The following STK33 variants were observed in gnomAD, a reference collection of about 807,000 sequenced individuals.
STK33 encodes serine/threonine kinase 33.
A neutral mutation model predicts 58.0 loss-of-function variants in STK33; 52 were observed. That is an observed-to-expected ratio of 0.90 (90% CI 0.72 to 1.13). The LOEUF (loss-of-function observed/expected upper bound fraction) is 1.13, where lower values mean the gene tolerates loss of function less well. Among genes scored for constraint, STK33 ranks in the 50% most tolerant of loss-of-function variants. The probability of loss-of-function intolerance (pLI) is 0.00; values close to 1 mark genes in which losing one functional copy is unlikely to be tolerated. For synonymous variants in STK33, 215 were observed against 200.1 expected, an observed-to-expected ratio of 1.07 and a Z score of -0.63; for missense variants, 630 against 604.2, an observed-to-expected ratio of 1.04 and a Z score of -0.45.
At chr11:8,461,164 A>C (rs1285353861) in intron 8 of STK33, among the ~76,000 whole-genome samples, 3 of 152,214 alleles carry the variant, frequency 2.0e-5, no homozygotes, top group Non-Finnish European at 4.4e-5. Flanking sequence ...TCAAATGCAC[A>C]GGCAATATGA....
chr11:8,425,972 G>C (rs1316541743), intron 14 of STK33, among the ~76,000 whole-genome samples: 1 of 152,114 alleles, frequency 6.6e-6, no homozygotes, highest in East Asian at 1.9e-4. Flanking sequence ...GCCCCAGTGG[G>C]TGTGTGTTAC....
intron 11 of STK33, among the ~76,000 whole-genome samples, chr11:8,442,866 A>G (rs1944943873): frequency 6.6e-6 from 1 of 152,206 alleles, no homozygotes. Context: ...CAGACACAGA[A>G]GAGTATGTAC....
At chr11:8,352,553 A>G in the STK33 span, among the ~76,000 whole-genome samples, 1 of 152,152 alleles carries the variant, frequency 6.6e-6, no homozygotes. Flanking sequence ...TTAGTCCAAT[A>G]TAAGAAAAAA....
At chr11:8,409,023 T>C (rs1195481800) in intron 15 of STK33, among the ~76,000 whole-genome samples, 2 of 152,190 alleles carry the variant, frequency 1.3e-5, no homozygotes, top group African/African-American at 2.4e-5. Context: ...GCATAAACCA[T>C]ATTGTTTGCA....
rs768157865 is a variant in STK33 at position 8,446,361 on chromosome 11, C to T, written c.872-5608G>A. Reference sequence around the variant, plus strand: ...TTCATTGATTGTTTGAAGGGTTTTTCGTGTCCCTATCTCCTTGGGTTCTGC... The same window carrying T: ...TTCATTGATTGTTTGAAGGGTTTTTTGTGTCCCTATCTCCTTGGGTTCTGC... On this transcript the variant is annotated intron_variant, in intron 11 of 15. Transcript: ENST00000687296. Among the ~76,000 whole-genome samples, 14 of 151,930 alleles carry T rather than the reference C, an allele frequency of 9.2e-5. No individual in the cohort carries two copies. In the South Asian group the frequency reaches 1.5e-3, roughly 16 times the overall value.
intron 1 of STK33, among the ~76,000 whole-genome samples, chr11:8,577,329 G>GA (rs1340455202): frequency 6.6e-6 from 1 of 151,964 alleles, no homozygotes; most frequent in Non-Finnish European, 1.5e-5. Flanking sequence ...ATAGCAGAAG[G>GA]AAAAATCAAA....
intron 15 of STK33, among the ~76,000 whole-genome samples, chr11:8,405,631 T>C (rs1461126461): frequency 6.6e-6 from 1 of 152,228 alleles, no homozygotes; most frequent in African/African-American, 2.4e-5. Context: ...TCTTTGACTA[T>C]CTGCTGGATG....
At position 8,454,968 on chromosome 11, in the gene STK33, C is replaced by G. The variant is rs1012111798; in HGVS notation, c.698-136G>C. ...AGGGCCAAGCATAGTCTGTCCTGTT[C>G]TATTCTCTCATTTATAAATGCTTCC... is the stretch of plus-strand genomic sequence containing the variant. On this transcript the variant is annotated intron_variant, in intron 9 of 15. Coordinates refer to ENST00000687296, the MANE Select transcript of STK33 (RefSeq NM_001352389.2). The G allele has an allele frequency of 9.1e-6, 8 of 881,560 alleles. No homozygotes were observed. The African/African-American group carries it at 1.1e-4, about 12-fold the overall frequency. 54.6% of individuals were successfully genotyped at this position (881,560 alleles called of 1,614,324 possible).
chr11:8,507,600 CT>C (rs1277185308), intron 1 of STK33, among the ~76,000 whole-genome samples: 3 of 152,046 alleles, frequency 2.0e-5, no homozygotes, highest in African/African-American at 7.2e-5. Flanking sequence ...ACCCATTTAT[CT>C]TAAAGAAGAC....
At chr11:8,583,925 T>C (rs1406642107) in intron 1 of STK33, among the ~76,000 whole-genome samples, 1 of 152,142 alleles carries the variant, frequency 6.6e-6, no homozygotes, top group African/African-American at 2.4e-5. Flanking sequence ...AATGGCTTAT[T>C]AATAACATTC....
intron 1 of STK33, among the ~76,000 whole-genome samples, chr11:8,523,479 C>T (rs1211529264): frequency 6.6e-6 from 1 of 151,342 alleles, no homozygotes; most frequent in African/African-American, 2.4e-5. Context: ...CTCCACCCGG[C>T]GGCCGCCCTG....
chr11:8,459,904 A>G (rs537736174), intron 8 of STK33, among the ~76,000 whole-genome samples: 6 of 152,228 alleles, frequency 3.9e-5, no homozygotes, highest in Non-Finnish European at 7.3e-5. Context: ...AAAAGGGCAG[A>G]GGGAACAATC....
the STK33 span, among the ~76,000 whole-genome samples, chr11:8,341,150 C>T: frequency 6.6e-6 from 1 of 152,232 alleles, no homozygotes; most frequent in Non-Finnish European, 1.5e-5. Flanking sequence ...AGCCACTGCA[C>T]CCAGCCACGA....
intron 15 of STK33, among the ~76,000 whole-genome samples, chr11:8,397,207 C>T (rs903278065): frequency 6.6e-6 from 1 of 152,200 alleles, no homozygotes; most frequent in Admixed American, 6.5e-5. Flanking sequence ...CTGGGAGGCA[C>T]CCCCAAGTAG....
chr11:8,587,402 G>T (rs931342620), intron 1 of STK33, among the ~76,000 whole-genome samples: 2 of 152,106 alleles, frequency 1.3e-5, no homozygotes, highest in South Asian at 4.2e-4. Context: ...AGAAATGCAG[G>T]ACCAAAATTT....
At chr11:8,516,901 T>C (rs2139658443) in intron 1 of STK33, among the ~76,000 whole-genome samples, 1 of 152,180 alleles carries the variant, frequency 6.6e-6, no homozygotes. Flanking sequence ...ACTCCACATC[T>C]GGGGCAGGGC....
intron 1 of STK33, among the ~76,000 whole-genome samples, chr11:8,544,773 CATA>C (rs1445180437): frequency 6.6e-6 from 1 of 152,062 alleles, no homozygotes; most frequent in South Asian, 2.1e-4. Flanking sequence ...TAGCCAAAAT[CATA>C]ATGTTGGATA....
At chr11:8,556,390 A>G (rs1256556329) in intron 1 of STK33, among the ~76,000 whole-genome samples, 1 of 152,210 alleles carries the variant, frequency 6.6e-6, no homozygotes, top group East Asian at 1.9e-4. Flanking sequence ...TAAAAATGTA[A>G]TTTATATGCA....
At position 8,515,930 on chromosome 11, in the gene STK33, G is replaced by A. The variant is rs187517837; in HGVS notation, c.-465-35316C>T. ...GAAAGCTTTATAAGATCTGGGGCAA[G>A]AAAGACATCCTATGTTCATGGATTG... is the stretch of plus-strand genomic sequence containing the variant. On this transcript the variant is annotated intron_variant, in intron 1 of 15. Transcript: ENST00000687296. Among the ~76,000 whole-genome samples the A allele has an allele frequency of 6.6e-5, 10 of 152,306 alleles. No individual in the cohort carries two copies. In the East Asian group the frequency reaches 1.9e-3, roughly 29 times the overall value.
Sources: gnomAD v4.1 joint callset for allele counts (sites outside exome capture counted in the v4.1 genomes callset) on GRCh38, gnomAD v4.1.1 for gene constraint, MANE v1.5 for transcripts, NCBI Gene and HGNC (gene_info 2026-07-23, HGNC 2026-07-21) for gene names.